CEP104: variants seen among roughly 807,000 people sequenced by gnomAD.
The protein encoded by CEP104 is centrosomal protein of 104 kDa.
In CEP104, 84 loss-of-function variants were observed where a neutral mutation model predicts 113.3. The ratio of observed to expected loss-of-function variants is 0.74; its 90% CI spans 0.62 to 0.89. The LOEUF (loss-of-function observed/expected upper bound fraction) is 0.89. CEP104 is among the 40% of genes least tolerant of loss of function. The pLI is 0.00. For missense variants in CEP104, 1,053 were observed against 1,156.6 expected (o/e 0.91, Z 1.30); for synonymous variants, 378 against 421.7 (o/e 0.90, Z 1.27).
intron 6 of CEP104, among the ~76,000 whole-genome samples, chr1:3,840,812 T>C (rs964628473): frequency 6.6e-6 from 1 of 152,188 alleles, no homozygotes; most frequent in African/African-American, 2.4e-5. Context: ...AGTGCTGAGA[T>C]TACAGGTGTG....
rs529767482 is a variant in CEP104 at position 3,814,547 on chromosome 1, G to A, written c.*855C>T. ...GGGCTTCTGCCTGCTGTGAACACAGGGTGATCAGGTGGAAATTCATTTAAC... is the reference window on the plus strand; with the variant it reads ...GGGCTTCTGCCTGCTGTGAACACAGAGTGATCAGGTGGAAATTCATTTAAC... On this transcript the variant is annotated 3_prime_UTR_variant, in exon 22 of 22. Coordinates refer to ENST00000378230, the MANE Select transcript of CEP104 (RefSeq NM_014704.4). The A allele has an allele frequency of 2.6e-5, 4 of 152,378 alleles. No homozygotes were observed. The highest frequency in any genetic ancestry group is 2.6e-4 in the Admixed American group (4 of 15,304). 9.4% of individuals were successfully genotyped at this position (152,378 alleles called of 1,614,324 possible).
Position 3,831,110 on chromosome 1 carries a change from A to G in CEP104, c.1772T>C (p.Leu591Pro). 1 of 1,614,248 alleles carries G rather than the reference A, an allele frequency of 6.2e-7. No homozygotes were observed. Among genetic ancestry groups the G allele is most frequent in the Non-Finnish European group, 8.5e-7 (1 of 1,180,034 alleles). ...VHLAMSQMGL[L>P]ARLLKDLGTG... ...GCCCAGGTCTTTCAGCAGCCGGGCCAGGAGGCCCATCTGACTCATTGCCAG... is the reference window on the plus strand; with the variant it reads ...GCCCAGGTCTTTCAGCAGCCGGGCCGGGAGGCCCATCTGACTCATTGCCAG... The change falls in exon 13 of 22, where the codon CTG becomes CCG. Residue 591 changes from leucine (L) to proline (P), a missense_variant. Transcript: ENST00000378230.
chr1:3,856,693 C>T (rs1644738318), intron 1 of CEP104, among the ~76,000 whole-genome samples, 196 bp downstream of exon 1: 1 of 152,152 alleles, frequency 6.6e-6, no homozygotes, highest in Non-Finnish European at 1.5e-5. Context: ...GCATACGGCA[C>T]GACGGGGCCG....
At chr1:3,826,812 G>T in intron 15 of CEP104, 68 bp from the exon 16 acceptor site, 1 of 1,475,394 alleles carries the variant, frequency 6.8e-7, no homozygotes, top group Non-Finnish European at 9.4e-7. Flanking sequence ...GCCTGTTGAA[G>T]ATATGTTTTC....
intron 20 of CEP104, among the ~76,000 whole-genome samples, chr1:3,818,962 C>T (rs1643921097): frequency 6.6e-6 from 1 of 152,196 alleles, no homozygotes. Context: ...TCTAGCATCT[C>T]CTGAGAGATT....
intron 9 of CEP104, chr1:3,836,920 A>G (rs1421728097): frequency 3.8e-6 from 2 of 526,448 alleles, no homozygotes; most frequent in Non-Finnish European, 6.6e-6. Context: ...CAGACCTAAT[A>G]AAAAAAAGCA....
rs1480908678 is a variant in CEP104, at chr1:3,837,308, G to A, written c.1103C>T (p.Pro368Leu). The change falls in exon 9 of 22, where the codon CCT becomes CTT. Residue 368 changes from proline to leucine, a missense_variant. Pro to Leu is a moderately conservative substitution (Grantham distance 98). Transcript: ENST00000378230. ...AVDPLLPATD[P>L]HPKINAESLP... ...ATTACCTACATTGATCTTTGGATGA[G>A]GATCTGTGGCAGGGAGTAACGGGTC... 6.2e-6 allele frequency: 10 copies of A among 1,611,658 alleles called. No individual in the cohort carries two copies. The highest frequency in any genetic ancestry group is 2.2e-5 in the East Asian group (1 of 44,852).
At chr1:3,844,696 C>T (rs1466633728) in intron 6 of CEP104, among the ~76,000 whole-genome samples, 3 of 4,628 alleles carry the variant, frequency 6.5e-4, no homozygotes, top group African/African-American at 2.6e-3. Flanking sequence ...GAAATTCTGT[C>T]TCAAAAAAAA....
chr1:3,842,192 A>G (rs4411084), intron 6 of CEP104, among the ~76,000 whole-genome samples: 139,989 of 152,322 alleles, frequency 0.92, 65,062 homozygotes, highest in Middle Eastern at 0.98. Context: ...CCATTCTCCC[A>G]CCTCAGCCTT....
chr1:3,816,131 G>A, intron 21 of CEP104, 149 bp downstream of exon 21: 1 of 634,316 alleles, frequency 1.6e-6, no homozygotes, highest in East Asian at 3.0e-5. Flanking sequence ...TGCTTACTAA[G>A]GAACCAGAAC....
At chr1:3,853,997 C>T (rs907847899) in intron 1 of CEP104, among the ~76,000 whole-genome samples, 1 of 152,154 alleles carries the variant, frequency 6.6e-6, no homozygotes, top group Non-Finnish European at 1.5e-5. Context: ...GCTGCACGGC[C>T]CCACCTGCAC....
chr1:3,824,745 G>A (rs190711091), intron 18 of CEP104, among the ~76,000 whole-genome samples: 189 of 152,300 alleles, frequency 1.2e-3, no homozygotes, highest in Admixed American at 3.2e-3. Flanking sequence ...CTTCACCAGG[G>A]ACAGGCACAG....
chr1:3,849,847 T>C (rs1217172030), intron 2 of CEP104, among the ~76,000 whole-genome samples: 1 of 149,760 alleles, frequency 6.7e-6, no homozygotes, highest in Non-Finnish European at 1.5e-5. Context: ...AAAAAAAAAC[T>C]CCAAAACTGT....
chr1:3,826,016 G>A, intron 17 of CEP104, 150 bp from the exon 18 acceptor site: 1 of 678,202 alleles, frequency 1.5e-6, no homozygotes, highest in Non-Finnish European at 2.6e-6. Context: ...AGTTTGCTCT[G>A]CAGGGCCCGG....
chr1:3,839,149 C>G, intron 7 of CEP104, 30 bp from the exon 8 acceptor site: 2 of 1,605,228 alleles, frequency 1.2e-6, no homozygotes, highest in East Asian at 4.5e-5. Context: ...CTTTTTCTTT[C>G]AAATTTGGAT....
intron 1 of CEP104, among the ~76,000 whole-genome samples, chr1:3,852,985 G>A (rs914583309): frequency 1.3e-5 from 2 of 152,252 alleles, no homozygotes; most frequent in Non-Finnish European, 2.9e-5. Flanking sequence ...CCTCCAGAGC[G>A]AGAGTGCAGC....
chr1:3,818,707 T>TG (rs1309798093), intron 20 of CEP104, among the ~76,000 whole-genome samples: 1 of 152,264 alleles, frequency 6.6e-6, no homozygotes, highest in Non-Finnish European at 1.5e-5. Context: ...TGTTCTTTGA[T>TG]GAAGAGGAGG....
At chr1:3,856,689 G>C (rs548780179) in intron 1 of CEP104, among the ~76,000 whole-genome samples, 200 bp downstream of exon 1, 2 of 152,140 alleles carry the variant, frequency 1.3e-5, no homozygotes, top group African/African-American at 4.8e-5. Flanking sequence ...CCCGGCATAC[G>C]GCACGACGGG....
intron 2 of CEP104, 99 bp from the exon 3 acceptor site, chr1:3,848,880 AC>A: frequency 1.1e-6 from 1 of 893,548 alleles, no homozygotes; most frequent in Non-Finnish European, 1.7e-6. Flanking sequence ...TTAACCACAC[AC>A]CCACTTTGAA....
Sources: gnomAD v4.1 joint callset for allele counts (sites outside exome capture counted in the v4.1 genomes callset) on GRCh38, gnomAD v4.1.1 for gene constraint, MANE v1.5 for transcripts, NCBI Gene and HGNC (gene_info 2026-07-23, HGNC 2026-07-21) for gene names.